The following TANGO6 variants were observed in gnomAD, a reference collection of about 807,000 sequenced individuals.
The protein encoded by TANGO6 is transport and golgi organization 6 homolog, also known as transport and Golgi organization protein 6 homolog.
A neutral mutation model predicts 114.2 loss-of-function variants in TANGO6; 90 were observed. The ratio of observed to expected loss-of-function variants is 0.79; its 90% CI spans 0.66 to 0.94. The LOEUF (loss-of-function observed/expected upper bound fraction) is 0.94, where lower values mean the gene tolerates loss of function less well. Among genes scored for constraint, TANGO6 ranks in the 40% least tolerant of loss-of-function variants. The pLI is 0.00. For synonymous variants in TANGO6, 477 were observed against 509.8 expected, an observed-to-expected ratio of 0.94 and a Z score of 0.87; for missense variants, 1,274 against 1,315.3, an observed-to-expected ratio of 0.97 and a Z score of 0.49.
Position 69,003,708 on chromosome 16 carries a change from C to T in TANGO6, c.2843-19120C>T, listed in dbSNP as rs551262832. On this transcript the variant is annotated intron_variant, in intron 15 of 17. Coordinates refer to ENST00000261778, the MANE Select transcript of TANGO6 (RefSeq NM_024562.2). The stretch of plus-strand genomic sequence containing the variant: ...AGTTTAATAAGTTATCTTTTATGAA[C>T]TTTATCATGACTTACATAGACCACC... Among the ~76,000 whole-genome samples the T allele has an allele frequency of 7.2e-5, 11 of 152,158 alleles. No individual in the cohort carries two copies. The East Asian group carries it at 2.1e-3, about 29-fold the overall frequency.
At chr16:68,905,602 C>T (rs79058539) in intron 9 of TANGO6, among the ~76,000 whole-genome samples, 2,002 of 151,698 alleles carry the variant, frequency 0.013, 26 homozygotes, top group Middle Eastern at 0.045. Context: ...TACATAGTAT[C>T]TTTGTCTCTT....
chr16:68,922,718 AAGCACGAGGCTG>A (rs573235975), intron 12 of TANGO6, among the ~76,000 whole-genome samples: 19 of 152,250 alleles, frequency 1.2e-4, no homozygotes, highest in Non-Finnish European at 2.8e-4. Context: ...TTGGTCTCTA[AAGCACGAGGCTG>A]AGCAGACCAT....
intron 17 of TANGO6, among the ~76,000 whole-genome samples, chr16:69,057,225 A>G (rs1451987808): frequency 2.6e-5 from 4 of 151,994 alleles, no homozygotes; most frequent in Admixed American, 6.6e-5. Context: ...AGAAATAAAA[A>G]TACTCTCTCA....
chr16:69,080,641 T>A (rs1349068435), intron 17 of TANGO6, among the ~76,000 whole-genome samples: 3 of 152,200 alleles, frequency 2.0e-5, no homozygotes, highest in African/African-American at 7.2e-5. Flanking sequence ...TGATGTCCTC[T>A]GAGAAGGGAA....
rs566016769 is a variant in TANGO6, at chr16:69,003,057, G to T, written c.2843-19771G>T. Among the ~76,000 whole-genome samples the T allele has an allele frequency of 3.3e-5, 5 of 151,762 alleles. No homozygotes were observed. The East Asian group carries it at 9.7e-4, about 29-fold the overall frequency. On this transcript the variant is annotated intron_variant, in intron 15 of 17. Transcript: ENST00000261778. The stretch of plus-strand genomic sequence containing the variant: ...ACTCCATCTCAAAAAAAAAAAGAAA[G>T]TTTTTAAATCTTTTATCATTAAACT...
chr16:68,858,354 G>A (rs1446233426), intron 1 of TANGO6, among the ~76,000 whole-genome samples: 3 of 152,120 alleles, frequency 2.0e-5, no homozygotes, highest in Non-Finnish European at 2.9e-5. Context: ...GTGAGCCACC[G>A]CGCCCAGCGG....
intron 15 of TANGO6, among the ~76,000 whole-genome samples, chr16:68,977,480 C>A (rs1963775966): frequency 6.6e-6 from 1 of 150,534 alleles, no homozygotes; most frequent in Non-Finnish European, 1.5e-5. Context: ...GATCATGAGA[C>A]CGAGACGACG....
intron 17 of TANGO6, among the ~76,000 whole-genome samples, chr16:69,067,564 A>G (rs951197623): frequency 1.1e-4 from 15 of 140,682 alleles, no homozygotes; most frequent in Non-Finnish European, 1.7e-4. Context: ...ACACGCCTAT[A>G]ATCCCAGCAC....
At chr16:68,904,028 G>C (rs1962817862) in intron 9 of TANGO6, among the ~76,000 whole-genome samples, 1 of 152,080 alleles carries the variant, frequency 6.6e-6, no homozygotes, top group South Asian at 2.1e-4. Context: ...ATAATTGTTT[G>C]GAATTTACTC....
chr16:68,916,756 TTTTTTAGAGCAGTTTTAGATTCA>T (rs1963011542), intron 11 of TANGO6, among the ~76,000 whole-genome samples: 1 of 152,186 alleles, frequency 6.6e-6, no homozygotes, highest in African/African-American at 2.4e-5. Context: ...TAAAGAGTTT[TTTTTTAGAGCAGTTTTAGATTCA>T]CAACAAAATT....
At position 69,018,645 on chromosome 16, in the gene TANGO6, C is replaced by T. The variant is rs1343827127; in HGVS notation, c.2843-4183C>T. Among the ~76,000 whole-genome samples, 10 of 150,824 alleles carry T rather than the reference C, an allele frequency of 6.6e-5. No individual in the cohort carries two copies. In the Admixed American group the frequency reaches 6.7e-4, roughly 10 times the overall value. On this transcript the variant is annotated intron_variant, in intron 15 of 17. Transcript: ENST00000261778. ...TACATATTTAAATCTGTATGTTTGC[C>T]GGGCGCGGTGGCTCACGCCTGTAAT...
chr16:69,062,011 C>T (rs1960125892), intron 17 of TANGO6, among the ~76,000 whole-genome samples: 1 of 152,056 alleles, frequency 6.6e-6, no homozygotes, highest in Non-Finnish European at 1.5e-5. Context: ...CAGAGCGAGA[C>T]TCCATCTCAA....
At chr16:68,853,594 A>G (rs370848393) in intron 1 of TANGO6, among the ~76,000 whole-genome samples, 1 of 152,152 alleles carries the variant, frequency 6.6e-6, no homozygotes, top group East Asian at 1.9e-4. Flanking sequence ...GCTGCTATGA[A>G]CATTCTTGTA....
intron 17 of TANGO6, among the ~76,000 whole-genome samples, chr16:69,065,361 C>T (rs752521744): frequency 8.5e-5 from 13 of 152,326 alleles, no homozygotes; most frequent in Middle Eastern, 3.4e-3. Flanking sequence ...AGCTATCATC[C>T]CTCCCAAGGG....
At chr16:68,895,253 G>C (rs1331382466) in intron 7 of TANGO6, among the ~76,000 whole-genome samples, 1 of 152,150 alleles carries the variant, frequency 6.6e-6, no homozygotes, top group Non-Finnish European at 1.5e-5. Context: ...GGAGGCTGAG[G>C]CACGAGAATT....
At chr16:68,986,255 C>A (rs1413512810) in intron 15 of TANGO6, among the ~76,000 whole-genome samples, 3 of 152,092 alleles carry the variant, frequency 2.0e-5, no homozygotes, top group Non-Finnish European at 4.4e-5. Context: ...TAGGAGAGAT[C>A]AGGAATTCAT....
chr16:69,022,704 A>C, intron 15 of TANGO6, 124 bp from the exon 16 acceptor site: 1 of 840,962 alleles, frequency 1.2e-6, no homozygotes. Flanking sequence ...ACCCTGTCTC[A>C]AAAAAAAAAT....
At chr16:68,924,637 A>G (rs1348894176) in intron 12 of TANGO6, among the ~76,000 whole-genome samples, 1 of 151,720 alleles carries the variant, frequency 6.6e-6, no homozygotes. Flanking sequence ...AAAATATAAA[A>G]AAATTAGCCG....
intron 17 of TANGO6, among the ~76,000 whole-genome samples, chr16:69,041,013 T>G (rs1343099250): frequency 6.6e-6 from 1 of 152,074 alleles, no homozygotes; most frequent in Non-Finnish European, 1.5e-5. Flanking sequence ...TTAATTTTCG[T>G]CTTGATTTTA....
Sources: allele counts gnomAD v4.1 joint callset (sites outside exome capture counted in the v4.1 genomes callset), GRCh38; gene constraint gnomAD v4.1.1; transcripts MANE v1.5; gene names NCBI Gene and HGNC (gene_info 2026-07-23, HGNC 2026-07-21).